The following SLC71A1 variants were observed in gnomAD, a reference collection of about 807,000 sequenced individuals.
The protein encoded by SLC71A1 is hippocampus abundant gene transcript 1.
At chr1:100,053,213 T>G in the SLC71A1 span, among the ~76,000 whole-genome samples, 1 of 152,214 alleles carries the variant, frequency 6.6e-6, no homozygotes, top group Non-Finnish European at 1.5e-5. Context: ...TGCTTACAAA[T>G]TTTGTTTTTT....
chr1:100,040,124 T>A, the SLC71A1 span, among the ~76,000 whole-genome samples: 7 of 152,222 alleles, frequency 4.6e-5, no homozygotes, highest in Non-Finnish European at 1.0e-4. Context: ...TTCTCTATTC[T>A]AAGAGCACTG....
chr1:100,046,949 GT>G, the SLC71A1 span, among the ~76,000 whole-genome samples: 1 of 152,168 alleles, frequency 6.6e-6, no homozygotes, highest in South Asian at 2.1e-4. Context: ...CATTCTGATA[GT>G]TTTTTGGTGG....
At chr1:100,059,144 G>GTTTTTTTTTTTTTTTT in the SLC71A1 span, among the ~76,000 whole-genome samples, 42 of 75,428 alleles carry the variant, frequency 5.6e-4, 11 homozygotes, top group African/African-American at 2.1e-3. Context: ...TCTTTTTCGT[G>GTTTTTTTTTTTTTTTT]TTTTTTTTTT....
chr1:100,078,535 T>G, the SLC71A1 span: 2 of 1,611,962 alleles, frequency 1.2e-6, no homozygotes, highest in Non-Finnish European at 1.7e-6. Context: ...GAACTGCTGA[T>G]GCTGATCAAC....
At chr1:100,046,923 T>C in the SLC71A1 span, among the ~76,000 whole-genome samples, 4 of 152,240 alleles carry the variant, frequency 2.6e-5, no homozygotes, top group Non-Finnish European at 5.9e-5. Flanking sequence ...TCCTGCAACT[T>C]CAGTGAATTT....
the SLC71A1 span, among the ~76,000 whole-genome samples, chr1:100,054,453 C>G: frequency 6.6e-6 from 1 of 151,988 alleles, no homozygotes; most frequent in African/African-American, 2.4e-5. Context: ...CCTTGTGATC[C>G]ACCCACCTAA....
chr1:100,064,321 G>A, the SLC71A1 span, among the ~76,000 whole-genome samples: 185 of 152,118 alleles, frequency 1.2e-3, no homozygotes, highest in African/African-American at 4.1e-3. Context: ...TAGTAGAGAC[G>A]GGGTTTCACC....
chr1:100,061,909 A>G, the SLC71A1 span: 1 of 1,613,446 alleles, frequency 6.2e-7, no homozygotes, highest in Non-Finnish European at 8.5e-7. Context: ...TACGTAGCAG[A>G]TATAACCCAA....
the SLC71A1 span, among the ~76,000 whole-genome samples, chr1:100,061,520 T>C: frequency 2.6e-5 from 4 of 152,216 alleles, no homozygotes; most frequent in African/African-American, 7.2e-5. Flanking sequence ...TAATAGACTT[T>C]AGTTTGTTGC....
At chr1:100,049,891 A>C in the SLC71A1 span, 2 of 1,413,496 alleles carry the variant, frequency 1.4e-6, no homozygotes, top group Non-Finnish European at 2.0e-6. Context: ...ACTTTTTAAA[A>C]AATCTTGTTT....
At chr1:100,049,748 T>C in the SLC71A1 span, among the ~76,000 whole-genome samples, 1 of 152,226 alleles carries the variant, frequency 6.6e-6, no homozygotes, top group African/African-American at 2.4e-5. Flanking sequence ...TCTGTCCCTC[T>C]GACTTTGAAG....
the SLC71A1 span, among the ~76,000 whole-genome samples, chr1:100,061,319 A>T: frequency 6.6e-6 from 1 of 152,206 alleles, no homozygotes; most frequent in African/African-American, 2.4e-5. Context: ...ATCCTGCCAT[A>T]TAGGTTTTTT....
At chr1:100,072,794 C>T in the SLC71A1 span, among the ~76,000 whole-genome samples, 12 of 152,044 alleles carry the variant, frequency 7.9e-5, no homozygotes, top group African/African-American at 1.9e-4. Context: ...GGCACCGGTA[C>T]GTATAAGAGT....
the SLC71A1 span, chr1:100,082,202 A>C: frequency 6.2e-7 from 1 of 1,613,624 alleles, no homozygotes; most frequent in Non-Finnish European, 8.5e-7. Flanking sequence ...CAGGACACAA[A>C]TGTGTGACGA....
At chr1:100,067,392 A>C in the SLC71A1 span, among the ~76,000 whole-genome samples, 26 of 152,270 alleles carry the variant, frequency 1.7e-4, no homozygotes, top group South Asian at 2.5e-3. Context: ...CTACAGGTGC[A>C]CACCAGCATG....
At chr1:100,043,079 A>G in the SLC71A1 span, 2 of 984,948 alleles carry the variant, frequency 2.0e-6, no homozygotes, top group Non-Finnish European at 2.4e-6. Flanking sequence ...TCAGATGGCT[A>G]TATGCATCCA....
At chr1:100,083,110 G>A in the SLC71A1 span, 4 of 152,378 alleles carry the variant, frequency 2.6e-5, no homozygotes, top group Non-Finnish European at 5.9e-5. Flanking sequence ...AAATTTTCAG[G>A]ACCCTAGAGG....
the SLC71A1 span, among the ~76,000 whole-genome samples, chr1:100,045,982 A>G: frequency 5.3e-5 from 8 of 152,212 alleles, no homozygotes; most frequent in African/African-American, 1.9e-4. Context: ...ATTCTTCTGT[A>G]TATGGATATC....
At chr1:100,038,468 A>C in the SLC71A1 span, 2 of 674,488 alleles carry the variant, frequency 3.0e-6, no homozygotes, top group Non-Finnish European at 5.3e-6. Flanking sequence ...GCGGACCCGC[A>C]TGCCGCCGCT....
Sources: gnomAD v4.1 joint callset for allele counts (sites outside exome capture counted in the v4.1 genomes callset) on GRCh38, gnomAD v4.1.1 for gene constraint, MANE v1.5 for transcripts, NCBI Gene and HGNC (gene_info 2026-07-23, HGNC 2026-07-21) for gene names.